CHRM2: variants seen among roughly 807,000 people sequenced by gnomAD.
CHRM2 encodes the protein cholinergic receptor muscarinic 2, also known as muscarinic acetylcholine receptor M2.
A neutral mutation model predicts 25.0 loss-of-function variants in CHRM2; 8 were observed. The observed-to-expected ratio is 0.32, with a 90% CI of 0.19 to 0.58. CHRM2 has a LOEUF of 0.58. CHRM2 is among the 20% of genes least tolerant of loss of function. The pLI is 0.88. For synonymous variants in CHRM2, 202 were observed against 205.7 expected, an observed-to-expected ratio of 0.98 and a Z score of 0.15; for missense variants, 440 against 567.1, an observed-to-expected ratio of 0.78 and a Z score of 2.28.
intron 3 of CHRM2, among the ~76,000 whole-genome samples, chr7:136,994,924 C>G (rs117772287): frequency 0.037 from 5,588 of 151,984 alleles, 140 homozygotes; most frequent in Non-Finnish European, 0.057. Flanking sequence ...TCCATAACTT[C>G]GTTGCAATAG....
intron 2 of CHRM2, among the ~76,000 whole-genome samples, chr7:136,961,969 A>G (rs1256873444): frequency 6.6e-6 from 1 of 150,596 alleles, no homozygotes; most frequent in East Asian, 2.0e-4. Context: ...GAAGGAGTTC[A>G]GTGTTTTGAG....
Position 137,015,461 on chromosome 7 carries a change from T to G in CHRM2, c.596T>G (p.Val199Gly), listed in dbSNP as rs1805108830. ...GTAIAAFYLP[V>G]IIMTVLYWHI... ...GCTATTGCAGCCTTCTATTTGCCAG[T>G]GATCATCATGACTGTGCTATATTGG... The change falls in exon 4 of 4, where the codon GTG becomes GGG. Residue 199 changes from valine to glycine, a missense_variant. Around this residue, in one of 5 missense-constraint regions of CHRM2, gnomAD observed 261 missense variants for 261.8 expected, o/e 1.00. Coordinates refer to ENST00000680005, the MANE Select transcript of CHRM2 (RefSeq NM_001006630.2). This position sits in a 1 kb window ranked among gnomAD's most constrained non-coding sequence, Gnocchi z 5.1. 2 of 1,613,182 alleles carry G rather than the reference T, an allele frequency of 1.2e-6. No homozygotes were observed. The highest frequency in any genetic ancestry group is 1.3e-5 in the African/African-American group (1 of 74,814).
intron 2 of CHRM2, among the ~76,000 whole-genome samples, chr7:136,939,433 C>T (rs538928461): frequency 1.3e-5 from 2 of 152,230 alleles, no homozygotes; most frequent in African/African-American, 4.8e-5. Context: ...GTCAGTGTTT[C>T]TTTTTCTGCA....
At chr7:136,874,525 C>CT (rs71757159) in intron 2 of CHRM2, among the ~76,000 whole-genome samples, 2 of 144,302 alleles carry the variant, frequency 1.4e-5, no homozygotes, top group Non-Finnish European at 3.0e-5. Flanking sequence ...TTCTGTCTCT[C>CT]TTTTTTTTCT....
At chr7:136,980,527 T>G (rs988674817) in intron 2 of CHRM2, among the ~76,000 whole-genome samples, 1 of 152,236 alleles carries the variant, frequency 6.6e-6, no homozygotes, top group African/African-American at 2.4e-5. Flanking sequence ...CTGCCAGTTT[T>G]CAAAGGAAAT....
chr7:136,894,409 T>G (rs1796809171), intron 2 of CHRM2, among the ~76,000 whole-genome samples: 1 of 152,182 alleles, frequency 6.6e-6, no homozygotes, highest in Admixed American at 6.5e-5. Context: ...TCTCGCTTTG[T>G]TACCCAGGCT....
At position 136,892,145 on chromosome 7, in the gene CHRM2, C is replaced by T. The variant is rs141975554; in HGVS notation, c.-125+22727C>T. 1.5e-3 allele frequency among the ~76,000 whole-genome samples: 231 copies of T among 152,318 alleles called. 2 individuals carry two copies. Among genetic ancestry groups the T allele is most frequent in the African/African-American group, 5.2e-3 (218 of 41,578 alleles). Reference sequence around the variant, plus strand: ...AAAGACAAGGAAAGAGGTGCTTGCACTGGATACTTATGATGATAATTTCTA... The same window carrying T: ...AAAGACAAGGAAAGAGGTGCTTGCATTGGATACTTATGATGATAATTTCTA... On this transcript the variant is annotated intron_variant, in intron 2 of 3. Transcript: ENST00000680005.
chr7:136,903,270 T>G (rs1347197257), intron 2 of CHRM2: 1 of 533,496 alleles, frequency 1.9e-6, no homozygotes, highest in Non-Finnish European at 3.9e-6. Context: ...GCTGTTGAGC[T>G]GTTCACAAGC....
At chr7:136,882,480 C>T (rs2130512339) in intron 2 of CHRM2, among the ~76,000 whole-genome samples, 1 of 151,734 alleles carries the variant, frequency 6.6e-6, no homozygotes, top group East Asian at 1.9e-4. Flanking sequence ...TTGATGCCTG[C>T]CTCTATTCTT....
intron 2 of CHRM2, among the ~76,000 whole-genome samples, chr7:136,887,877 G>C (rs544046235): frequency 6.6e-6 from 1 of 152,262 alleles, no homozygotes; most frequent in African/African-American, 2.4e-5. Context: ...AGAAACAGAT[G>C]TGAAGAGAAA....
rs1805099266 is a variant in CHRM2 at position 137,015,342 on chromosome 7, T to G, written c.477T>G (p.Ile159Met). The change falls in exon 4 of 4, where the codon ATT (isoleucine) becomes ATG (methionine). Residue 159 changes from isoleucine (I) to methionine (M), a missense_variant. By Grantham distance (10) the Ile-to-Met change is conservative (BLOSUM62 1). This residue lies in a region of CHRM2 where 27 missense variants were observed against 55.5 expected (regional missense o/e 0.49). Coordinates refer to ENST00000680005, the MANE Select transcript of CHRM2 (RefSeq NM_001006630.2). The surrounding 1 kb of genome is among the most constrained non-coding windows in gnomAD (Gnocchi z 5.1). The part of the protein sequence containing the change: ...VLSFILWAPA[I>M]LFWQFIVGVR... ...CTTTCATCCTCTGGGCTCCAGCCAT[T>G]CTCTTCTGGCAGTTCATTGTAGGGG... 6.2e-7 allele frequency: 1 copy of G among 1,613,336 alleles called. No individual in the cohort carries two copies. The highest frequency in any genetic ancestry group is 1.3e-5 in the African/African-American group (1 of 74,856).
Position 137,016,356 on chromosome 7 carries a change from T to C in CHRM2, c.*90T>C, listed in dbSNP as rs1027538561. The stretch of plus-strand genomic sequence containing the variant: ...GCTCCTAGTTTTAAAATCTCTGCCA[T>C]TGCACTTTATAGTCTGATTACAAAA... On this transcript the variant is annotated 3_prime_UTR_variant, in exon 4 of 4. Coordinates refer to ENST00000680005, the MANE Select transcript of CHRM2 (RefSeq NM_001006630.2). The C allele has an allele frequency of 5.4e-6, 7 of 1,284,710 alleles. No homozygotes were observed. The East Asian group carries it at 1.4e-4, about 26-fold the overall frequency. The allele number at this position is 1,284,710 out of a possible 1,614,324, so 79.6% of individuals were successfully genotyped here. A position where few individuals can be genotyped will look rare whatever the true frequency, so the allele number is the denominator to read the frequency against.
intron 2 of CHRM2, among the ~76,000 whole-genome samples, chr7:136,949,204 TC>T (rs1209233738): frequency 6.6e-6 from 1 of 152,144 alleles, no homozygotes; most frequent in East Asian, 1.9e-4. Context: ...AATTATTTAA[TC>T]TTCATTACAA....
chr7:136,916,164 T>C (rs972503104), intron 2 of CHRM2, among the ~76,000 whole-genome samples: 13 of 151,942 alleles, frequency 8.6e-5, no homozygotes, highest in South Asian at 2.1e-4. Context: ...GGTTTTCATA[T>C]GAGAACTCTT....
intron 2 of CHRM2, among the ~76,000 whole-genome samples, chr7:136,876,880 A>G (rs1393124726): frequency 6.6e-6 from 1 of 152,088 alleles, no homozygotes; most frequent in Non-Finnish European, 1.5e-5. Flanking sequence ...AAGATTCTGA[A>G]TTACTTAAAT....
At chr7:136,913,025 G>A in intron 2 of CHRM2, among the ~76,000 whole-genome samples, 1 of 151,754 alleles carries the variant, frequency 6.6e-6, no homozygotes, top group East Asian at 1.9e-4. Flanking sequence ...ATGTAGAAAA[G>A]ACAGAAAGAA....
At chr7:136,874,871 A>T (rs925174683) in intron 2 of CHRM2, among the ~76,000 whole-genome samples, 16 of 151,808 alleles carry the variant, frequency 1.1e-4, no homozygotes, top group Non-Finnish European at 2.2e-4. Context: ...TACAGGTTTA[A>T]CATTGTTATG....
intron 2 of CHRM2, among the ~76,000 whole-genome samples, chr7:136,934,582 A>G (rs1254688415): frequency 2.6e-5 from 4 of 152,124 alleles, no homozygotes; most frequent in Non-Finnish European, 4.4e-5. Context: ...TATTTTAAAC[A>G]ATATTCCTTT....
intron 2 of CHRM2, among the ~76,000 whole-genome samples, chr7:136,967,974 T>G (rs1409270539): frequency 2.0e-5 from 3 of 152,032 alleles, no homozygotes; most frequent in African/African-American, 4.8e-5. Context: ...ACCACACAAT[T>G]AGGTCAAATG....
Sources: allele counts gnomAD v4.1 joint callset (sites outside exome capture counted in the v4.1 genomes callset), GRCh38; gene constraint gnomAD v4.1.1; regional missense constraint gnomAD v4.1.1; non-coding constraint Gnocchi (gnomAD v3.1); transcripts MANE v1.5; gene names NCBI Gene and HGNC (gene_info 2026-07-23, HGNC 2026-07-21).